PCSK6: variants seen among roughly 807,000 people sequenced by gnomAD.
PCSK6 encodes proprotein convertase subtilisin/kexin type 6, also known as paired basic amino acid cleaving enzyme 4.
A neutral mutation model predicts 123.3 loss-of-function variants in PCSK6; 85 were observed. That is an observed-to-expected ratio of 0.69 (90% CI 0.58 to 0.83). PCSK6 has a LOEUF of 0.83. PCSK6 is among the 40% of genes least tolerant of loss of function. PCSK6 has a pLI of 0.00. For synonymous variants in PCSK6, 508 were observed against 516.0 expected (o/e 0.98, Z 0.21); for missense variants, 1,191 against 1,282.3 (o/e 0.93, Z 1.09).
intron 1 of PCSK6, among the ~76,000 whole-genome samples, chr15:101,469,285 C>A (rs2057544032): frequency 1.3e-5 from 2 of 152,288 alleles, no homozygotes; most frequent in South Asian, 4.1e-4. Context: ...GGATAATAAT[C>A]CAGCCTCTCC....
chr15:101,430,509 T>C (rs1378609502), intron 4 of PCSK6, among the ~76,000 whole-genome samples: 1 of 152,284 alleles, frequency 6.6e-6, no homozygotes, highest in African/African-American at 2.4e-5. Flanking sequence ...GTCCAAGGTT[T>C]ATCCACGTTT....
chr15:101,380,609 C>T (rs145431696), intron 11 of PCSK6, among the ~76,000 whole-genome samples: 2 of 152,334 alleles, frequency 1.3e-5, no homozygotes, highest in African/African-American at 4.8e-5. Context: ...GACCACTCAG[C>T]GGTCAGTGTG....
At chr15:101,425,586 C>T (rs28600766) in intron 6 of PCSK6, among the ~76,000 whole-genome samples, 3,053 of 152,218 alleles carry the variant, frequency 0.02, 98 homozygotes, top group African/African-American at 0.069. Flanking sequence ...TAAGATAGAG[C>T]GTTTCCATTC....
chr15:101,401,675 A>G (rs1056982143), intron 6 of PCSK6, among the ~76,000 whole-genome samples: 3 of 152,230 alleles, frequency 2.0e-5, no homozygotes, highest in Non-Finnish European at 2.9e-5. Context: ...GACACTTATC[A>G]TATGTAGAGG....
intron 2 of PCSK6, 56 bp downstream of exon 2, chr15:101,443,500 T>G (rs1479621865): frequency 1.6e-6 from 2 of 1,234,066 alleles, no homozygotes; most frequent in East Asian, 2.3e-5. Flanking sequence ...CCGCCATTTT[T>G]AAGACCACAG....
At chr15:101,457,175 AATAAATAAATAAAT>A (rs1184638384) in intron 1 of PCSK6, among the ~76,000 whole-genome samples, 1 of 152,004 alleles carries the variant, frequency 6.6e-6, no homozygotes, top group Non-Finnish European at 1.5e-5. Context: ...CCATCTCAAA[AATAAATAAATAAAT>A]AAAAATAAAT....
rs993107092 is a variant in PCSK6 at position 101,310,658 on chromosome 15, G to A, written c.2699+2718C>T. Among the ~76,000 whole-genome samples, 5 of 152,282 alleles carry A rather than the reference G, an allele frequency of 3.3e-5. No homozygotes were observed. In the South Asian group the frequency reaches 8.3e-4, roughly 25 times the overall value. ...GCAGTAGAAGGGGCTGATGCTTGCC[G>A]AGATACGTAACCGCCACCAGGTCCC... On this transcript the variant is annotated intron_variant, in intron 20 of 21. Transcript: ENST00000611716.
intron 8 of PCSK6, among the ~76,000 whole-genome samples, chr15:101,390,533 A>T (rs947043327): frequency 2.0e-5 from 3 of 152,192 alleles, no homozygotes; most frequent in African/African-American, 7.2e-5. Context: ...GAGAGGAAGC[A>T]TTAGAAGGAC....
intron 13 of PCSK6, among the ~76,000 whole-genome samples, chr15:101,357,200 T>C (rs958970838): frequency 6.6e-6 from 1 of 152,216 alleles, no homozygotes; most frequent in Non-Finnish European, 1.5e-5. Flanking sequence ...GAGGACTGCC[T>C]GCTTTTCTGG....
At chr15:101,487,202 G>A (rs2058040094) in intron 1 of PCSK6, among the ~76,000 whole-genome samples, 1 of 152,240 alleles carries the variant, frequency 6.6e-6, no homozygotes, top group African/African-American at 2.4e-5. Flanking sequence ...CCCTCCGTGA[G>A]TAATCACACA....
At chr15:101,366,002 A>T in intron 13 of PCSK6, 194 bp downstream of exon 13, 1 of 522,230 alleles carries the variant, frequency 1.9e-6, no homozygotes, top group South Asian at 3.2e-5. Flanking sequence ...CGTTTACATG[A>T]CATCGTGGAT....
At chr15:101,439,837 A>AT (rs899366646) in intron 2 of PCSK6, among the ~76,000 whole-genome samples, 23 of 152,194 alleles carry the variant, frequency 1.5e-4, no homozygotes, top group Non-Finnish European at 2.5e-4. Context: ...AAGCACTGAA[A>AT]TGAAGCATTG....
At position 101,425,657 on chromosome 15, in the gene PCSK6, C is replaced by T. The variant is rs534239013; in HGVS notation, c.823+2235G>A. Among the ~76,000 whole-genome samples the T allele has an allele frequency of 1.4e-4, 22 of 152,122 alleles. 1 individual carries two copies. The South Asian group carries it at 1.9e-3, about 13-fold the overall frequency. ...ACATATATATATATATTGCTTCATACGTTATAAACCCACAGTGCATTGCTA... is the reference window on the plus strand; with the variant it reads ...ACATATATATATATATTGCTTCATATGTTATAAACCCACAGTGCATTGCTA... On this transcript the variant is annotated intron_variant, in intron 6 of 21. Transcript: ENST00000611716.
intron 2 of PCSK6, among the ~76,000 whole-genome samples, chr15:101,443,037 A>T (rs1285883782): frequency 6.6e-6 from 1 of 152,228 alleles, no homozygotes; most frequent in Non-Finnish European, 1.5e-5. Context: ...TATTAATTTC[A>T]AATCTATGCA....
intron 1 of PCSK6, among the ~76,000 whole-genome samples, chr15:101,445,776 G>A (rs938814463): frequency 1.3e-5 from 2 of 152,244 alleles, no homozygotes; most frequent in Admixed American, 6.5e-5. Flanking sequence ...GGGACATGGA[G>A]GAACGAAGAG....
At position 101,401,838 on chromosome 15, in the gene PCSK6, T is replaced by C. The variant is rs186955983; in HGVS notation, c.824-3262A>G. ...AGTATCAATATTGTGAAAATGGCCA[T>C]ACTGCCCAAGGTAATTTATAGATTC... On this transcript the variant is annotated intron_variant, in intron 6 of 21. Transcript: ENST00000611716. 1.1e-3 allele frequency among the ~76,000 whole-genome samples: 172 copies of C among 152,170 alleles called. 1 individual carries two copies. The highest frequency in any genetic ancestry group is 4.0e-3 in the African/African-American group (166 of 41,532).
chr15:101,481,033 C>T (rs1192351404), intron 1 of PCSK6, among the ~76,000 whole-genome samples: 19 of 152,224 alleles, frequency 1.2e-4, no homozygotes, highest in African/African-American at 4.6e-4. Flanking sequence ...CCAGTGAGAG[C>T]ACACAGCAAT....
intron 1 of PCSK6, among the ~76,000 whole-genome samples, chr15:101,444,770 T>TGG (rs1189489666): frequency 6.6e-6 from 1 of 152,206 alleles, no homozygotes; most frequent in East Asian, 1.9e-4. Context: ...CACAACTCCT[T>TGG]GGCTGCCTCC....
chr15:101,454,084 G>A (rs11631270), intron 1 of PCSK6, among the ~76,000 whole-genome samples: 36,688 of 152,166 alleles, frequency 0.24, 4,879 homozygotes, highest in South Asian at 0.34. Flanking sequence ...TGGCTACTTG[G>A]CCAAGGGAGG....
Sources: gnomAD v4.1 joint callset for allele counts (sites outside exome capture counted in the v4.1 genomes callset) on GRCh38, gnomAD v4.1.1 for gene constraint, MANE v1.5 for transcripts, NCBI Gene and HGNC (gene_info 2026-07-23, HGNC 2026-07-21) for gene names.